P2RY8: variants seen among roughly 807,000 people sequenced by gnomAD.
P2RY8 encodes the protein P2Y receptor family member 8.
P2RY8 carries 6 observed loss-of-function variants against 10.0 expected under a neutral mutation model. The ratio of observed to expected loss-of-function variants is 0.60; its 90% CI spans 0.33 to 1.19. The LOEUF is 1.19. Ranked by LOEUF, P2RY8 falls within the 50% of genes most tolerant of loss-of-function variation. P2RY8 has a pLI of 0.04. For synonymous variants in P2RY8, 276 were observed against 252.5 expected, an observed-to-expected ratio of 1.09 and a Z score of -0.88; for missense variants, 456 against 542.0, an observed-to-expected ratio of 0.84 and a Z score of 1.58.
At chrX:1,527,242 C>T (rs1369707551) in intron 1 of P2RY8, among the ~76,000 whole-genome samples, 1 of 152,078 alleles carries the variant, frequency 6.6e-6, no homozygotes, top group African/African-American at 2.4e-5. Flanking sequence ...TCTGTTCATC[C>T]GTCCATCTAT....
chrX:1,501,566 G>T (rs1481780066), intron 1 of P2RY8, among the ~76,000 whole-genome samples: 2 of 151,780 alleles, frequency 1.3e-5, no homozygotes, highest in Admixed American at 6.6e-5. Context: ...TCACTATATT[G>T]CCCCGTCTTA....
intron 1 of P2RY8, among the ~76,000 whole-genome samples, chrX:1,524,673 C>CCATT (rs2092424335): frequency 1.8e-5 from 2 of 111,942 alleles, no homozygotes; most frequent in African/African-American, 7.3e-5. Flanking sequence ...ATCCATTCAT[C>CCATT]CATCCATCCA....
At chrX:1,533,548 TTA>T (rs2092496994) in intron 1 of P2RY8, among the ~76,000 whole-genome samples, 1 of 7,944 alleles carries the variant, frequency 1.3e-4, no homozygotes, top group Admixed American at 1.9e-3. Flanking sequence ...TATTTATATA[TTA>T]TATACTTATA....
chrX:1,505,676 G>C (rs749815773), intron 1 of P2RY8, among the ~76,000 whole-genome samples: 12 of 152,188 alleles, frequency 7.9e-5, no homozygotes, highest in East Asian at 1.9e-4. Context: ...TGTCATCCCA[G>C]CTACTCGGGA....
intron 1 of P2RY8, among the ~76,000 whole-genome samples, chrX:1,503,930 C>T (rs760027249): frequency 4.8e-4 from 73 of 151,906 alleles, no homozygotes; most frequent in Non-Finnish European, 8.2e-4. Context: ...GCTGCTTTGT[C>T]GCTGTTCTGG....
chrX:1,533,924 T>A (rs1422994538), intron 1 of P2RY8, among the ~76,000 whole-genome samples: 2 of 123,336 alleles, frequency 1.6e-5, no homozygotes, highest in African/African-American at 6.5e-5. Flanking sequence ...ATATTATATA[T>A]TCATATATTA....
intron 1 of P2RY8, among the ~76,000 whole-genome samples, chrX:1,502,876 G>T (rs1379858431): frequency 6.6e-6 from 1 of 150,966 alleles, no homozygotes; most frequent in South Asian, 2.1e-4. Flanking sequence ...CAGGAGCTGG[G>T]AGAGACAGGA....
intron 1 of P2RY8, among the ~76,000 whole-genome samples, chrX:1,532,564 G>A (rs2092487232): frequency 1.3e-5 from 2 of 151,682 alleles, no homozygotes; most frequent in Admixed American, 1.3e-4. Context: ...ATACTACTCA[G>A]TCATGAAAAA....
chrX:1,491,334 T>C (rs770666292), intron 1 of P2RY8, among the ~76,000 whole-genome samples: 1 of 152,208 alleles, frequency 6.6e-6, no homozygotes, highest in South Asian at 2.1e-4. Flanking sequence ...ATGAATGACA[T>C]CCGGGGATTC....
chrX:1,511,373 T>C (rs1416584148), intron 1 of P2RY8, among the ~76,000 whole-genome samples: 1 of 152,188 alleles, frequency 6.6e-6, no homozygotes, highest in Non-Finnish European at 1.5e-5. Context: ...TGAATACAAG[T>C]ATGCTTGGTC....
chrX:1,465,527 C>T lies in P2RY8; in HGVS notation c.1032G>A (p.Met344Ile), dbSNP rs1569536194. Residue 344 changes from methionine to isoleucine, a missense_variant, in exon 2 of 2, where the codon ATG becomes ATA. Physicochemically the swap from Met to Ile is conservative, Grantham distance 10. Transcript: ENST00000381297. ...GGAGGCCGGGCCTGGTGGCTCCCTCCATCCCTTCAGGGTGCGCACCGGCCT... is the reference window on the plus strand; with the variant it reads ...GGAGGCCGGGCCTGGTGGCTCCCTCTATCCCTTCAGGGTGCGCACCGGCCT... ...RSEAGAHPEG[M>I]EGATRPGLQR... The T allele has an allele frequency of 5.6e-6, 9 of 1,611,466 alleles. No individual in the cohort carries two copies. The East Asian group carries it at 1.6e-4, about 28-fold the overall frequency.
Position 1,534,841 on chromosome X carries a change from G to A in P2RY8, c.-25+2080C>T, listed in dbSNP as rs755031139. Among the ~76,000 whole-genome samples the A allele has an allele frequency of 3.2e-4, 49 of 152,172 alleles. 1 individual carries two copies. The highest frequency in any genetic ancestry group is 6.8e-3 in the Middle Eastern group (2 of 294). On this transcript the variant is annotated intron_variant, in intron 1 of 1. Transcript: ENST00000381297. ...CCTGGAACTTTAAGGGACAAACTCA[G>A]AACTGCAGTGTGGGTAGGGTTGGAG...
chrX:1,534,611 G>A (rs2092511107), intron 1 of P2RY8, among the ~76,000 whole-genome samples: 1 of 152,096 alleles, frequency 6.6e-6, no homozygotes, highest in African/African-American at 2.4e-5. Flanking sequence ...GGGGCTGGGG[G>A]AGGGAGGTTG....
intron 1 of P2RY8, among the ~76,000 whole-genome samples, chrX:1,527,109 G>C (rs2092444593): frequency 6.6e-6 from 1 of 152,124 alleles, no homozygotes; most frequent in Non-Finnish European, 1.5e-5. Flanking sequence ...TGGCCAGGCT[G>C]GTCTTAAATT....
intron 1 of P2RY8, among the ~76,000 whole-genome samples, chrX:1,525,716 C>T (rs1235407859): frequency 6.6e-6 from 1 of 151,876 alleles, no homozygotes. Flanking sequence ...TTCATTTATC[C>T]ATCGGTTCAT....
At chrX:1,536,418 A>C (rs1405522248) in intron 1 of P2RY8, among the ~76,000 whole-genome samples, 2 of 151,800 alleles carry the variant, frequency 1.3e-5, no homozygotes, top group Admixed American at 6.6e-5. Flanking sequence ...CCCACCACCA[A>C]GCCCAGCTAA....
chrX:1,502,279 C>G (rs1368594606), intron 1 of P2RY8, among the ~76,000 whole-genome samples: 1 of 152,172 alleles, frequency 6.6e-6, no homozygotes, highest in East Asian at 1.9e-4. Context: ...ACTGAAGATA[C>G]ACGAGCAAGA....
intron 1 of P2RY8, among the ~76,000 whole-genome samples, chrX:1,483,575 G>A (rs1339981826): frequency 1.3e-5 from 2 of 151,924 alleles, no homozygotes; most frequent in South Asian, 2.1e-4. Context: ...CAGAGGTCGC[G>A]GTGAGCCAAC....
intron 1 of P2RY8, among the ~76,000 whole-genome samples, chrX:1,483,573 G>A (rs1270585463): frequency 6.6e-6 from 1 of 152,062 alleles, no homozygotes; most frequent in East Asian, 1.9e-4. Flanking sequence ...GGCAGAGGTC[G>A]CGGTGAGCCA....
Sources: gnomAD v4.1 joint callset for allele counts (sites outside exome capture counted in the v4.1 genomes callset) on GRCh38, gnomAD v4.1.1 for gene constraint, MANE v1.5 for transcripts, NCBI Gene and HGNC (gene_info 2026-07-23, HGNC 2026-07-21) for gene names.